Variants in PTGDR observed in about 807,000 individuals in gnomAD.
The protein encoded by PTGDR is PGD2 receptor.
In PTGDR, 19 loss-of-function variants were observed where a neutral mutation model predicts 17.4. The ratio of observed to expected loss-of-function variants is 1.09; its 90% CI spans 0.76 to 1.60. PTGDR has a LOEUF of 1.60. Ranked by LOEUF, PTGDR falls within the 40% of genes most tolerant of loss-of-function variation. The pLI is 0.00. For missense variants in PTGDR, 526 were observed against 481.9 expected (o/e 1.09, Z -0.86); for synonymous variants, 267 against 224.2 (o/e 1.19, Z -1.71).
rs1412638934 is a variant in PTGDR, at chr14:52,267,936, T to C, written c.122T>C (p.Leu41Pro). 1 of 1,610,354 alleles carries C rather than the reference T, an allele frequency of 6.2e-7. No homozygotes were observed. The highest frequency in any genetic ancestry group is 8.5e-7 in the Non-Finnish European group (1 of 1,179,148). ...LLGNLLALGLLARSGLGWCSR... is the reference protein window; with the variant it reads ...LLGNLLALGLPARSGLGWCSR... ...GGCAACCTGCTGGCCCTGGGGCTGC[T>C]GGCGCGCTCGGGGCTGGGGTGGTGC... The change falls in exon 1 of 2, where the codon CTG becomes CCG. Residue 41 changes from leucine to proline, a missense_variant. Coordinates refer to ENST00000306051, the MANE Select transcript of PTGDR (RefSeq NM_000953.3).
rs897885297 is a variant in PTGDR at position 52,276,465 on chromosome 14, T to G, written c.*1501T>G. On this transcript the variant is annotated 3_prime_UTR_variant, in exon 2 of 2. Transcript: ENST00000306051. Reference sequence around the variant, plus strand: ...TAAAGCTGGGTAATTTTTTATGTAATTTTTTGGTATAGCAAAACTGTGAAA... The same window carrying G: ...TAAAGCTGGGTAATTTTTTATGTAAGTTTTTGGTATAGCAAAACTGTGAAA... The G allele has an allele frequency of 2.0e-5, 3 of 152,226 alleles. No individual in the cohort carries two copies. The highest frequency in any genetic ancestry group is 7.2e-5 in the African/African-American group (3 of 41,460). The allele number at this position is 152,226 out of a possible 1,614,324, so 9.4% of individuals were successfully genotyped here. A position where few individuals can be genotyped will look rare whatever the true frequency, so the allele number is the denominator to read the frequency against.
Position 52,268,151 on chromosome 14 carries a change from T to A in PTGDR, c.337T>A (p.Ser113Thr). 1.2e-6 allele frequency: 2 copies of A among 1,614,152 alleles called. No individual in the cohort carries two copies. The highest frequency in any genetic ancestry group is 1.6e-4 in the Middle Eastern group (1 of 6,062). The change falls in exon 1 of 2, where the codon TCC (serine) becomes ACC (threonine). Residue 113 changes from serine (S) to threonine (T), a missense_variant. Transcript: ENST00000306051. Reference protein sequence around the residue: ...SLCQAFAFFMSFFGLSSTLQL... With the variant: ...SLCQAFAFFMTFFGLSSTLQL... ...GTGCCAAGCCTTCGCCTTCTTCATG[T>A]CCTTCTTTGGGCTCTCCTCGACACT...
intron 1 of PTGDR, among the ~76,000 whole-genome samples, chr14:52,270,621 T>C (rs1452562481): frequency 1.3e-5 from 2 of 152,266 alleles, no homozygotes; most frequent in African/African-American, 4.8e-5. Context: ...TCCCATGTTA[T>C]ATTAGTACCT....
At chr14:52,278,725 T>C (rs1235162902), downstream of PTGDR, among the ~76,000 whole-genome samples, 1 of 152,198 alleles carries the variant, frequency 6.6e-6, no homozygotes, top group East Asian at 1.9e-4. Flanking sequence ...CCTGTCTTGC[T>C]CACTTGGAGG....
chr14:52,269,075 T>G (rs370077189), intron 1 of PTGDR, among the ~76,000 whole-genome samples: 1 of 152,170 alleles, frequency 6.6e-6, no homozygotes, highest in East Asian at 1.9e-4. Flanking sequence ...TTGTTAGACC[T>G]GCTCATGACT....
downstream of PTGDR, among the ~76,000 whole-genome samples, chr14:52,280,798 A>G (rs1207989394): frequency 1.3e-5 from 2 of 152,236 alleles, no homozygotes; most frequent in East Asian, 1.9e-4. Context: ...GTATTTCTCA[A>G]TATCCTTCCC....
chr14:52,273,071 G>T (rs1470681808), intron 1 of PTGDR, among the ~76,000 whole-genome samples: 1 of 152,166 alleles, frequency 6.6e-6, no homozygotes, highest in Non-Finnish European at 1.5e-5. Context: ...GGAGTACAAT[G>T]GCACAATCTA....
intron 1 of PTGDR, 144 bp downstream of exon 1, chr14:52,268,804 A>C (rs549919552): frequency 1.1e-6 from 1 of 883,884 alleles, no homozygotes. Flanking sequence ...GAGTTCCCCA[A>C]ATTGGATTCC....
downstream of PTGDR, among the ~76,000 whole-genome samples, chr14:52,277,108 G>A (rs781155378): frequency 6.6e-6 from 1 of 152,090 alleles, no homozygotes; most frequent in Non-Finnish European, 1.5e-5. Context: ...AGTTGATTAG[G>A]GGCTGAGGAA....
downstream of PTGDR, among the ~76,000 whole-genome samples, chr14:52,278,631 A>T (rs768298727): frequency 3.3e-4 from 50 of 150,386 alleles, no homozygotes; most frequent in Non-Finnish European, 5.1e-4. Context: ...ATAAAGTTTT[A>T]AAAAAAAGAA....
chr14:52,274,922 G>C lies in PTGDR; in HGVS notation c.1038G>C (p.Arg346Ser), dbSNP rs1261682810. ...HKIFIRPLRY[R>S]SRCSNSTNME... is the part of the protein sequence containing the mutation. ...TTTTCATTAGACCTCTTAGGTACAG[G>C]AGCCGGTGCAGCAATTCCACTAACA... The change falls in exon 2 of 2, where the codon AGG (arginine) becomes AGC (serine). Residue 346 changes from arginine to serine, a missense_variant. Transcript: ENST00000306051. The C allele has an allele frequency of 1.9e-6, 3 of 1,601,916 alleles. No individual in the cohort carries two copies. Among genetic ancestry groups the C allele is most frequent in the Admixed American group, 1.7e-5 (1 of 59,944 alleles).
At chr14:52,273,006 AAT>A (rs1319949086) in intron 1 of PTGDR, among the ~76,000 whole-genome samples, 3 of 151,906 alleles carry the variant, frequency 2.0e-5, no homozygotes, top group African/African-American at 2.4e-5. Flanking sequence ...TTTGGGTGAA[AAT>A]ATGTTTTTTT....
At position 52,269,829 on chromosome 14, in the gene PTGDR, G is replaced by T. The variant is rs41312452; in HGVS notation, c.846+1169G>T. On this transcript the variant is annotated intron_variant, in intron 1 of 1. Transcript: ENST00000306051. ...TACATAAATCTATATCTATCTAAAT[G>T]TAGATATAGGCGCAGATGACATATA... 4.8e-3 allele frequency among the ~76,000 whole-genome samples: 736 copies of T among 152,278 alleles called. 6 individuals carry two copies. The highest frequency in any genetic ancestry group is 0.017 in the African/African-American group (697 of 41,550).
At position 52,267,929 on chromosome 14, in the gene PTGDR, G is replaced by C; in HGVS notation, c.115G>C (p.Gly39Arg). ...TGLLGNLLAL[G>R]LLARSGLGWC... ...CCTCCTGGGCAACCTGCTGGCCCTG[G>C]GGCTGCTGGCGCGCTCGGGGCTGGG... The change falls in exon 1 of 2, where the codon GGG becomes CGG. Residue 39 changes from glycine to arginine, a missense_variant. Gly to Arg is a moderately radical substitution (Grantham distance 125, BLOSUM62 -2). Transcript: ENST00000306051. 2 of 1,610,418 alleles carry C rather than the reference G, an allele frequency of 1.2e-6. No individual in the cohort carries two copies. Among genetic ancestry groups the C allele is most frequent in the Non-Finnish European group, 1.7e-6 (2 of 1,179,084 alleles).
In PTGDR at chr14:52,268,546, C is replaced by T; in HGVS notation, c.732C>T (p.Ala244=). The change falls in exon 1 of 2, where the codon GCC becomes GCT. Residue 244 remains alanine, a synonymous_variant. Coordinates refer to ENST00000306051, the MANE Select transcript of PTGDR (RefSeq NM_000953.3). ...CGCGCTCCTGCACCAGGGACTGTGC[C>T]GAGCCGCGCGCGGACGGGAGGGAAG... is the stretch of plus-strand genomic sequence containing the variant. The part of the protein sequence containing the change: ...RHPRSCTRDC[A]EPRADGREAS... 2 of 1,612,594 alleles carry T rather than the reference C, an allele frequency of 1.2e-6. No homozygotes were observed. The highest frequency in any genetic ancestry group is 2.2e-5 in the East Asian group (1 of 44,866).
chr14:52,274,203 A>G (rs1045092260), intron 1 of PTGDR, among the ~76,000 whole-genome samples: 1 of 152,178 alleles, frequency 6.6e-6, no homozygotes, highest in African/African-American at 2.4e-5. Context: ...CATATTTCCA[A>G]TCTCTTCACA....
intron 1 of PTGDR, among the ~76,000 whole-genome samples, chr14:52,274,255 G>C (rs41312498): frequency 6.6e-6 from 1 of 152,138 alleles, no homozygotes; most frequent in African/African-American, 2.4e-5. Context: ...CCATACATAT[G>C]ACATTTCACA....
In PTGDR at chr14:52,267,823, G is replaced by A. The variant is rs968427684; in HGVS notation, c.9G>A (p.Ser3=). MK[S]PFYRCQNTTS... is the part of the protein sequence containing the mutation. ...CTCTGCTCCCGCACGCCATGAAGTC[G>A]CCGTTCTACCGCTGCCAGAACACCA... Residue 3 remains serine (S), a synonymous_variant, in exon 1 of 2, where the codon TCG becomes TCA. Coordinates refer to ENST00000306051, the MANE Select transcript of PTGDR (RefSeq NM_000953.3). The A allele has an allele frequency of 6.4e-6, 10 of 1,556,672 alleles. No individual in the cohort carries two copies. Among genetic ancestry groups the A allele is most frequent in the East Asian group, 2.3e-5 (1 of 44,294 alleles).
At chr14:52,278,931 A>G (rs1249675711), downstream of PTGDR, among the ~76,000 whole-genome samples, 1 of 152,236 alleles carries the variant, frequency 6.6e-6, no homozygotes, top group Non-Finnish European at 1.5e-5. Context: ...AGAAATTTCC[A>G]TTGAAATACG....
Sources: allele counts gnomAD v4.1 joint callset (sites outside exome capture counted in the v4.1 genomes callset), GRCh38; gene constraint gnomAD v4.1.1; transcripts MANE v1.5; gene names NCBI Gene and HGNC (gene_info 2026-07-23, HGNC 2026-07-21).